The following MAGI1 variants were observed in gnomAD, a reference collection of about 807,000 sequenced individuals.
The protein encoded by MAGI1 is membrane associated guanylate kinase, WW and PDZ domain containing 1.
Under a neutral mutation model 139.9 loss-of-function variants are expected in MAGI1, and 58 were observed. The ratio of observed to expected loss-of-function variants is 0.41; its 90% CI spans 0.34 to 0.52. The LOEUF (loss-of-function observed/expected upper bound fraction) is 0.52. Among genes scored for constraint, MAGI1 ranks in the 20% least tolerant of loss-of-function variants. The probability of loss-of-function intolerance (pLI) is 0.12; values close to 1 mark genes in which losing one functional copy is unlikely to be tolerated. For missense variants in MAGI1, 1,874 were observed against 1,901.6 expected (o/e 0.99, Z 0.27); for synonymous variants, 812 against 737.9 (o/e 1.10, Z -1.63).
intron 1 of MAGI1, among the ~76,000 whole-genome samples, chr3:65,723,988 T>C (rs749122337): frequency 6.6e-6 from 1 of 152,208 alleles, no homozygotes; most frequent in Non-Finnish European, 1.5e-5. Context: ...ATCCCATCAA[T>C]TGCAGACACA....
chr3:65,501,860 A>G (rs2077095025), intron 2 of MAGI1, among the ~76,000 whole-genome samples: 1 of 152,216 alleles, frequency 6.6e-6, no homozygotes, highest in Non-Finnish European at 1.5e-5. Context: ...ACAAAGAACT[A>G]CTGCTCAGCA....
chr3:65,933,589 C>T (rs1299609260), intron 1 of MAGI1, among the ~76,000 whole-genome samples: 1 of 152,102 alleles, frequency 6.6e-6, no homozygotes, highest in Non-Finnish European at 1.5e-5. Context: ...GTCAGTCCTA[C>T]TCAGCTTAGG....
intron 1 of MAGI1, among the ~76,000 whole-genome samples, chr3:65,921,920 AC>A (rs2062221552): frequency 4.1e-5 from 1 of 24,670 alleles, no homozygotes; most frequent in Non-Finnish European, 7.4e-5. Context: ...CACACACACG[AC>A]ACACACACAC....
At position 65,644,416 on chromosome 3, in the gene MAGI1, C is replaced by CAA. The variant is rs750068803; in HGVS notation, c.314-22330_314-22329dup. On this transcript the variant is annotated intron_variant, in intron 1 of 22. Coordinates refer to ENST00000402939, the MANE Select transcript of MAGI1 (RefSeq NM_001033057.2). Reference sequence around the variant, plus strand: ...AACAAAGAAGTATAAAACCTCAGCCCAAAAAAAAAAAAAAAAACCCAGAAG... The same window carrying CAA: ...AACAAAGAAGTATAAAACCTCAGCCCAAAAAAAAAAAAAAAAAAACCCAGAAG... Among the ~76,000 whole-genome samples the CAA allele has an allele frequency of 6.8e-5, 7 of 102,856 alleles. 1 individual carries two copies. The highest frequency in any genetic ancestry group is 8.2e-5 in the Non-Finnish European group (4 of 48,600). The allele number at this position is 102,856 out of a possible 152,430, so 67.5% of individuals were successfully genotyped here. A position where few individuals can be genotyped will look rare whatever the true frequency, so the allele number is the denominator to read the frequency against.
chr3:65,814,622 A>C (rs2041488199), intron 1 of MAGI1, among the ~76,000 whole-genome samples: 1 of 152,202 alleles, frequency 6.6e-6, no homozygotes, highest in Admixed American at 6.5e-5. Context: ...TTCATTTCTT[A>C]AGCAACCGCA....
At chr3:65,728,148 T>C (rs915269167) in intron 1 of MAGI1, among the ~76,000 whole-genome samples, 1 of 152,140 alleles carries the variant, frequency 6.6e-6, no homozygotes, top group African/African-American at 2.4e-5. Flanking sequence ...GGAGGTGGCA[T>C]AGGAACTGTG....
chr3:65,412,966 A>G (rs929944797), intron 12 of MAGI1, among the ~76,000 whole-genome samples: 2 of 152,176 alleles, frequency 1.3e-5, no homozygotes, highest in East Asian at 3.9e-4. Context: ...TGAGATCTAA[A>G]TCTTCAGGTA....
At chr3:66,005,542 A>G (rs950816568) in intron 1 of MAGI1, among the ~76,000 whole-genome samples, 5 of 152,046 alleles carry the variant, frequency 3.3e-5, no homozygotes, top group African/African-American at 1.2e-4. Flanking sequence ...CTCCTCACCC[A>G]CTAAGAAAAT....
chr3:65,794,138 G>A (rs2039970683), intron 1 of MAGI1, among the ~76,000 whole-genome samples: 1 of 152,134 alleles, frequency 6.6e-6, no homozygotes, highest in Non-Finnish European at 1.5e-5. Flanking sequence ...GCAAGCCATT[G>A]CCAGAAGATC....
chr3:65,511,375 T>G (rs961143178), intron 2 of MAGI1, among the ~76,000 whole-genome samples: 1 of 144,956 alleles, frequency 6.9e-6, no homozygotes, highest in Non-Finnish European at 1.5e-5. Flanking sequence ...GGATAAAGAG[T>G]CAAGACCCAT....
intron 1 of MAGI1, among the ~76,000 whole-genome samples, chr3:65,775,500 GCCAAAAA>G (rs2038322385): frequency 6.1e-5 from 2 of 32,530 alleles, no homozygotes; most frequent in African/African-American, 2.6e-4. Flanking sequence ...CACCCACTCT[GCCAAAAA>G]AAAAAAAAAA....
At chr3:65,982,658 T>C (rs1351840801) in intron 1 of MAGI1, among the ~76,000 whole-genome samples, 1 of 152,174 alleles carries the variant, frequency 6.6e-6, no homozygotes, top group Non-Finnish European at 1.5e-5. Flanking sequence ...GTGTCTTGTA[T>C]TGTAGAGTGT....
rs115844328 is a variant in MAGI1, at chr3:65,450,051, G to A, written c.1043-1994C>T. On this transcript the variant is annotated intron_variant, in intron 6 of 22. Transcript: ENST00000402939. ...ATTCAATAACTATTGTGAAATATAA[G>A]AGTATAGTGAAATGTAAGCGTATTC... is the stretch of plus-strand genomic sequence containing the variant. Among the ~76,000 whole-genome samples, 485 of 152,280 alleles carry A rather than the reference G, an allele frequency of 3.2e-3. 2 individuals carry two copies. Among genetic ancestry groups the A allele is most frequent in the African/African-American group, 0.011 (450 of 41,564 alleles).
chr3:65,608,333 A>G (rs1324679491), intron 2 of MAGI1, among the ~76,000 whole-genome samples: 2 of 152,002 alleles, frequency 1.3e-5, no homozygotes, highest in Non-Finnish European at 2.9e-5. Context: ...CCCAGCTACT[A>G]GGGAGGCTAA....
chr3:65,756,203 G>A (rs992432630), intron 1 of MAGI1, among the ~76,000 whole-genome samples: 1 of 152,060 alleles, frequency 6.6e-6, no homozygotes, highest in Non-Finnish European at 1.5e-5. Context: ...CCACTTAGTG[G>A]ATCCCTGAGA....
chr3:65,391,369 G>A lies in MAGI1; in HGVS notation c.2200-11C>T. ...CCTTTCCAGTGGTTGCTGAAAGTAA[G>A]CAAGTGAGAGGGGCAAGAAGAAAAG... On this transcript the variant is annotated splice_polypyrimidine_tract_variant and intron_variant, in intron 13 of 22. Transcript: ENST00000402939. 2 of 1,607,860 alleles carry A rather than the reference G, an allele frequency of 1.2e-6. No individual in the cohort carries two copies. Among genetic ancestry groups the A allele is most frequent in the Non-Finnish European group, 1.7e-6 (2 of 1,174,318 alleles).
At chr3:65,605,555 C>T (rs2082697255) in intron 2 of MAGI1, among the ~76,000 whole-genome samples, 2 of 152,166 alleles carry the variant, frequency 1.3e-5, no homozygotes, top group African/African-American at 4.8e-5. Flanking sequence ...GAGAGCCTAA[C>T]AGTTGGCAAT....
At chr3:65,976,037 G>A (rs905112484) in intron 1 of MAGI1, among the ~76,000 whole-genome samples, 1 of 152,158 alleles carries the variant, frequency 6.6e-6, no homozygotes, top group African/African-American at 2.4e-5. Flanking sequence ...ATCCTAGGTT[G>A]GTGCCTTCAA....
intron 14 of MAGI1, among the ~76,000 whole-genome samples, chr3:65,386,670 C>G (rs1943470195): frequency 6.6e-6 from 1 of 152,194 alleles, no homozygotes; most frequent in Admixed American, 6.5e-5. Context: ...TTTTAGGCGG[C>G]AGTAAGGTAG....
Sources: allele counts gnomAD v4.1 joint callset (sites outside exome capture counted in the v4.1 genomes callset), GRCh38; gene constraint gnomAD v4.1.1; transcripts MANE v1.5; gene names NCBI Gene and HGNC (gene_info 2026-07-23, HGNC 2026-07-21).